Variants in MSH3 observed in about 807,000 individuals in gnomAD.
The protein encoded by MSH3 is DNA mismatch repair protein Msh3.
Under a neutral mutation model 123.3 loss-of-function variants are expected in MSH3, and 106 were observed. The observed-to-expected ratio is 0.86, with a 90% CI of 0.73 to 1.01. MSH3 has a LOEUF of 1.01. Ranked by LOEUF, MSH3 falls within the 50% of genes least tolerant of loss-of-function variation. The pLI is 0.00. For synonymous variants in MSH3, 515 were observed against 481.4 expected (o/e 1.07, Z -0.91); for missense variants, 1,459 against 1,347.6 (o/e 1.08, Z -1.29).
At chr5:80,860,442 TG>T (rs750460872) in intron 21 of MSH3, among the ~76,000 whole-genome samples, 3 of 107,614 alleles carry the variant, frequency 2.8e-5, no homozygotes, top group African/African-American at 1.0e-4. Flanking sequence ...AGAGGTTTGT[TG>T]TTTTTTTTTT....
intron 8 of MSH3, among the ~76,000 whole-genome samples, chr5:80,706,448 AAG>A (rs1334869847): frequency 6.6e-6 from 1 of 152,218 alleles, no homozygotes; most frequent in African/African-American, 2.4e-5. Flanking sequence ...GAGTTCTTAG[AAG>A]AGTATGGCCT....
chr5:80,812,610 G>T (rs1176575659), intron 19 of MSH3, among the ~76,000 whole-genome samples: 1 of 141,684 alleles, frequency 7.1e-6, no homozygotes, highest in Admixed American at 7.2e-5. Flanking sequence ...TTGAGATGGA[G>T]TCTCACTCTC....
At chr5:80,788,534 G>A (rs1744554749) in intron 18 of MSH3, among the ~76,000 whole-genome samples, 1 of 152,032 alleles carries the variant, frequency 6.6e-6, no homozygotes, top group Admixed American at 6.5e-5. Context: ...AGTAAGACTA[G>A]GCTTGGTGGC....
intron 12 of MSH3, among the ~76,000 whole-genome samples, chr5:80,757,248 C>T (rs907232638): frequency 4.6e-5 from 7 of 152,118 alleles, no homozygotes; most frequent in Admixed American, 1.3e-4. Flanking sequence ...CCATTATACT[C>T]TTCTAGTTAT....
At chr5:80,870,109 G>A (rs1427983886) in intron 22 of MSH3, among the ~76,000 whole-genome samples, 3 of 147,476 alleles carry the variant, frequency 2.0e-5, no homozygotes, top group African/African-American at 5.0e-5. Flanking sequence ...GGGAGGTGGA[G>A]GTTGTGGTAA....
intron 21 of MSH3, among the ~76,000 whole-genome samples, chr5:80,854,948 TC>T (rs1358489517): frequency 3.3e-5 from 5 of 152,168 alleles, no homozygotes; most frequent in Non-Finnish European, 5.9e-5. Context: ...CTTTGTGAAA[TC>T]CTTTTTTTCA....
chr5:80,725,764 C>T lies in MSH3; in HGVS notation c.1453+199C>T, dbSNP rs546128390. Among the ~76,000 whole-genome samples, 281 of 152,208 alleles carry T rather than the reference C, an allele frequency of 1.8e-3. 1 individual carries two copies. Among genetic ancestry groups the T allele is most frequent in the African/African-American group, 6.6e-3 (272 of 41,514 alleles). On this transcript the variant is annotated intron_variant, in intron 9 of 23. Coordinates refer to ENST00000265081, the MANE Select transcript of MSH3 (RefSeq NM_002439.5). ...TGGTTAGACTGAGGTAGGGGAGGAT[C>T]GCCTGAGCCCAGGAGTTCGAGGCAG...
At chr5:80,800,724 G>A (rs778824280) in intron 19 of MSH3, among the ~76,000 whole-genome samples, 3 of 152,162 alleles carry the variant, frequency 2.0e-5, no homozygotes, top group Non-Finnish European at 4.4e-5. Flanking sequence ...TCATCTCTTT[G>A]ATCTATTTAT....
chr5:80,842,624 A>T (rs542781294), intron 20 of MSH3, among the ~76,000 whole-genome samples: 1 of 152,120 alleles, frequency 6.6e-6, no homozygotes, highest in African/African-American at 2.4e-5. Flanking sequence ...GGTCTTTCAC[A>T]TCCCTTGTAA....
intron 8 of MSH3, among the ~76,000 whole-genome samples, chr5:80,692,817 A>G (rs1242987580): frequency 7.5e-6 from 1 of 133,630 alleles, no homozygotes; most frequent in Non-Finnish European, 1.6e-5. Flanking sequence ...GTTTAGATAA[A>G]TATACATACA....
chr5:80,692,202 ATAGATAAACATGTATATGTT>A (rs1409185090), intron 8 of MSH3, among the ~76,000 whole-genome samples: 1,199 of 119,416 alleles, frequency 0.01, 15 homozygotes, highest in Admixed American at 0.012. Flanking sequence ...ATATGTTTAG[ATAGATAAACATGTATATGTT>A]TAGATAGATA....
At position 80,755,489 on chromosome 5, in the gene MSH3, A is replaced by G. The variant is rs144453025; in HGVS notation, c.1764-6057A>G. On this transcript the variant is annotated intron_variant, in intron 12 of 23. Coordinates refer to ENST00000265081, the MANE Select transcript of MSH3 (RefSeq NM_002439.5). ...GCCTTTATTAATGAGGATTTTCCAA[A>G]TATCGGTCTTCAAAAATGCCATAAG... Among the ~76,000 whole-genome samples the G allele has an allele frequency of 4.2e-3, 643 of 152,276 alleles. 5 individuals are homozygous for G. The highest frequency in any genetic ancestry group is 0.014 in the African/African-American group (595 of 41,556).
intron 7 of MSH3, among the ~76,000 whole-genome samples, chr5:80,677,841 C>A (rs942226318): frequency 3.9e-5 from 6 of 152,134 alleles, no homozygotes; most frequent in Non-Finnish European, 8.8e-5. Flanking sequence ...TCTCTCATTG[C>A]CTTTTCCTAT....
intron 11 of MSH3, 73 bp downstream of exon 11, chr5:80,741,621 T>G (rs1057175395): frequency 1.6e-5 from 17 of 1,030,866 alleles, no homozygotes; most frequent in Non-Finnish European, 2.6e-5. Context: ...AGCAGTCTGT[T>G]TTTAGAGGTA....
intron 8 of MSH3, among the ~76,000 whole-genome samples, chr5:80,720,331 T>C (rs1401569654): frequency 4.9e-4 from 75 of 152,228 alleles, no homozygotes. Context: ...TGCTTTGCCC[T>C]CTTTGCCAAC....
chr5:80,685,022 A>G lies in MSH3; in HGVS notation c.1340+5929A>G, dbSNP rs184747353. ...TCTCTGTGATAAATTCTACTTGGTC[A>G]TGATAAATGATATTTTTAATGTGTT... On this transcript the variant is annotated intron_variant, in intron 8 of 23. Transcript: ENST00000265081. 4.0e-3 allele frequency among the ~76,000 whole-genome samples: 604 copies of G among 152,094 alleles called. 4 individuals carry two copies. The highest frequency in any genetic ancestry group is 0.014 in the Middle Eastern group (4 of 294).
intron 15 of MSH3, among the ~76,000 whole-genome samples, chr5:80,773,866 C>T (rs1580040163): frequency 6.6e-6 from 1 of 152,300 alleles, no homozygotes; most frequent in Non-Finnish European, 1.5e-5. Flanking sequence ...CTCCTGGATT[C>T]AAGTGATTCT....
chr5:80,778,671 A>AT (rs1429529149), intron 16 of MSH3, 49 bp from the exon 17 acceptor site: 2 of 1,107,910 alleles, frequency 1.8e-6, no homozygotes, highest in South Asian at 1.2e-5. Context: ...GGCATTTCGG[A>AT]TTTTTTACTA....
At chr5:80,813,483 A>C (rs1745044236) in intron 19 of MSH3, 101 bp from the exon 20 acceptor site, 2 of 1,204,378 alleles carry the variant, frequency 1.7e-6, no homozygotes, top group African/African-American at 3.0e-5. Context: ...TTATGCTACA[A>C]AGTAATGTTT....
Sources: gnomAD v4.1 joint callset for allele counts (sites outside exome capture counted in the v4.1 genomes callset) on GRCh38, gnomAD v4.1.1 for gene constraint, MANE v1.5 for transcripts, NCBI Gene and HGNC (gene_info 2026-07-23, HGNC 2026-07-21) for gene names.